ZNF521: variants seen among roughly 807,000 people sequenced by gnomAD.
ZNF521 encodes LYST-interacting protein 3.
In ZNF521, 14 loss-of-function variants were observed where a neutral mutation model predicts 105.5. The observed-to-expected ratio is 0.13, with a 90% CI of 0.09 to 0.21. The LOEUF is 0.21. ZNF521 is among the 10% of genes least tolerant of loss of function. The pLI is 1.00. For synonymous variants in ZNF521, 635 were observed against 606.0 expected (o/e 1.05, Z -0.70); for missense variants, 1,233 against 1,629.7 (o/e 0.76, Z 4.19).
chr18:25,350,248 G>C (rs1359463261), intron 2 of ZNF521, among the ~76,000 whole-genome samples: 1 of 152,126 alleles, frequency 6.6e-6, no homozygotes, highest in African/African-American at 2.4e-5. Flanking sequence ...GCGGCGGGGA[G>C]AAGTAGGGGC....
intron 3 of ZNF521, among the ~76,000 whole-genome samples, chr18:25,248,959 T>C (rs923633903): frequency 6.6e-6 from 1 of 152,138 alleles, no homozygotes; most frequent in Non-Finnish European, 1.5e-5. Flanking sequence ...TGAATATGAG[T>C]TGTTCAATGC....
chr18:25,184,996 T>C (rs188849088), intron 5 of ZNF521, among the ~76,000 whole-genome samples: 1 of 152,328 alleles, frequency 6.6e-6, no homozygotes, highest in East Asian at 1.9e-4. Flanking sequence ...GGAAACAGGC[T>C]ATTTTGTAAA....
intron 4 of ZNF521, among the ~76,000 whole-genome samples, chr18:25,210,413 C>CA (rs1281188108): frequency 6.6e-5 from 10 of 152,228 alleles, no homozygotes; most frequent in African/African-American, 2.4e-4. Flanking sequence ...CTCCCTATAA[C>CA]AAAAAATTTA....
chr18:25,066,185 G>A (rs925451358), intron 7 of ZNF521, among the ~76,000 whole-genome samples: 1 of 152,142 alleles, frequency 6.6e-6, no homozygotes, highest in Non-Finnish European at 1.5e-5. Flanking sequence ...GAGTGCTATG[G>A]CAGGGTGTCC....
chr18:25,231,210 G>A (rs575129715), intron 3 of ZNF521, among the ~76,000 whole-genome samples: 9 of 152,132 alleles, frequency 5.9e-5, no homozygotes, highest in Admixed American at 1.3e-4. Context: ...CAGGCTTTCC[G>A]GACCATCTTC....
At chr18:25,154,281 T>C (rs1285599889) in intron 5 of ZNF521, among the ~76,000 whole-genome samples, 3 of 152,220 alleles carry the variant, frequency 2.0e-5, no homozygotes, top group Non-Finnish European at 4.4e-5. Context: ...GCTGCTAATC[T>C]CTACACCAGT....
chr18:25,138,658 T>C (rs1030024348), intron 5 of ZNF521, among the ~76,000 whole-genome samples: 2 of 152,184 alleles, frequency 1.3e-5, no homozygotes, highest in African/African-American at 4.8e-5. Flanking sequence ...TAGTTGCAGG[T>C]GACAGATCTT....
rs972329765 is a variant in ZNF521 at position 25,062,547 on chromosome 18, A to G, written c.*165T>C. 4.6e-5 allele frequency: 43 copies of G among 943,448 alleles called. No individual in the cohort carries two copies. Among genetic ancestry groups the G allele is most frequent in the Non-Finnish European group, 6.3e-5 (39 of 622,318 alleles). 58.4% of individuals were successfully genotyped at this position (943,448 alleles called of 1,614,324 possible). On this transcript the variant is annotated 3_prime_UTR_variant, in exon 8 of 8. Coordinates refer to ENST00000361524, the MANE Select transcript of ZNF521 (RefSeq NM_015461.3). ...ATACAAGGGGTCTATCCGGTGCGCA[A>G]AAGTTCAAACACATGAACATCCAAC... is the stretch of plus-strand genomic sequence containing the variant.
Position 25,130,946 on chromosome 18 carries a change from A to AAATCAATC in ZNF521, c.3659-38873_3659-38866dup, listed in dbSNP as rs56985443. ...TGAAAGAATGAGATCCTGTCTCTAA[A>AAATCAATC]AATCAATCAATCAATCAATCAATCA... On this transcript the variant is annotated intron_variant, in intron 5 of 7. Coordinates refer to ENST00000361524, the MANE Select transcript of ZNF521 (RefSeq NM_015461.3). Among the ~76,000 whole-genome samples the AAATCAATC allele has an allele frequency of 6.2e-3, 935 of 150,936 alleles. 10 individuals carry two copies. The highest frequency in any genetic ancestry group is 0.015 in the African/African-American group (619 of 41,228).
chr18:25,117,078 C>CATAT (rs1393114260), intron 5 of ZNF521, among the ~76,000 whole-genome samples: 26 of 20,468 alleles, frequency 1.3e-3, no homozygotes, highest in Middle Eastern at 0.033. Context: ...CACACACACA[C>CATAT]ACACATACAC....
rs529260196 is a variant in ZNF521, at chr18:25,170,745, C to T, written c.3658+24415G>A. Among the ~76,000 whole-genome samples the T allele has an allele frequency of 4.5e-3, 679 of 152,126 alleles. 5 individuals carry two copies. Among genetic ancestry groups the T allele is most frequent in the South Asian group, 8.3e-3 (40 of 4,812 alleles). On this transcript the variant is annotated intron_variant, in intron 5 of 7. Coordinates refer to ENST00000361524, the MANE Select transcript of ZNF521 (RefSeq NM_015461.3). ...AAGGAGGCAAAATTGGCTTTGAAGG[C>T]CATGCACATTTTTAAAGGTAAGACT... is the stretch of plus-strand genomic sequence containing the variant.
At chr18:25,281,791 G>A (rs542913339) in intron 3 of ZNF521, among the ~76,000 whole-genome samples, 17 of 152,288 alleles carry the variant, frequency 1.1e-4, no homozygotes, top group African/African-American at 4.1e-4. Flanking sequence ...AAAGACTTTA[G>A]GAGGTTTCTG....
intron 4 of ZNF521, among the ~76,000 whole-genome samples, chr18:25,220,760 A>G (rs1905666567): frequency 6.6e-6 from 1 of 152,230 alleles, no homozygotes; most frequent in Non-Finnish European, 1.5e-5. Flanking sequence ...AAACTTGACT[A>G]AGAAGCACAC....
At chr18:25,114,480 T>C (rs1427198520) in intron 5 of ZNF521, among the ~76,000 whole-genome samples, 1 of 152,180 alleles carries the variant, frequency 6.6e-6, no homozygotes, top group East Asian at 1.9e-4. Flanking sequence ...TTCTGGTTTA[T>C]AATATACAAA....
chr18:25,334,815 G>C (rs777557285), intron 2 of ZNF521, among the ~76,000 whole-genome samples: 2 of 152,124 alleles, frequency 1.3e-5, no homozygotes, highest in Non-Finnish European at 2.9e-5. Flanking sequence ...GGCCTCCCCA[G>C]CTTCCCAGAG....
At chr18:25,189,976 T>C (rs2035789554) in intron 5 of ZNF521, among the ~76,000 whole-genome samples, 1 of 152,162 alleles carries the variant, frequency 6.6e-6, no homozygotes, top group Non-Finnish European at 1.5e-5. Flanking sequence ...TCATGACAGC[T>C]GAGGAGAGAT....
chr18:25,223,700 A>G (rs1905891243), intron 4 of ZNF521, among the ~76,000 whole-genome samples: 1 of 152,084 alleles, frequency 6.6e-6, no homozygotes, highest in Non-Finnish European at 1.5e-5. Flanking sequence ...AGAAAAAAAA[A>G]AACGCACACA....
chr18:25,217,188 C>T (rs574476393), intron 4 of ZNF521, among the ~76,000 whole-genome samples: 78 of 152,248 alleles, frequency 5.1e-4, no homozygotes, highest in African/African-American at 1.8e-3. Context: ...TACAGGTCTA[C>T]GCTTCCAACT....
At chr18:25,242,465 T>G (rs902284006) in intron 3 of ZNF521, among the ~76,000 whole-genome samples, 5 of 152,160 alleles carry the variant, frequency 3.3e-5, no homozygotes, top group Non-Finnish European at 7.4e-5. Context: ...CTCCCAACTT[T>G]CATGGCATAT....
Sources: allele counts gnomAD v4.1 joint callset (sites outside exome capture counted in the v4.1 genomes callset), GRCh38; gene constraint gnomAD v4.1.1; transcripts MANE v1.5; gene names NCBI Gene and HGNC (gene_info 2026-07-23, HGNC 2026-07-21).